Variants in CNTN5 observed in about 807,000 individuals in gnomAD.
CNTN5 encodes contactin 5.
A neutral mutation model predicts 129.1 loss-of-function variants in CNTN5; 77 were observed. That is an observed-to-expected ratio of 0.60 (90% CI 0.50 to 0.72). The LOEUF (loss-of-function observed/expected upper bound fraction) is 0.72, where lower values mean the gene tolerates loss of function less well. Ranked by LOEUF, CNTN5 falls within the 30% of genes least tolerant of loss-of-function variation. The pLI, the probability that CNTN5 is intolerant of heterozygous loss-of-function variation, is 0.00. For synonymous variants in CNTN5, 509 were observed against 465.6 expected (o/e 1.09, Z -1.20); for missense variants, 1,478 against 1,328.8 (o/e 1.11, Z -1.75).
chr11:99,953,583 AT>A (rs1950726262), intron 7 of CNTN5, among the ~76,000 whole-genome samples: 2 of 152,172 alleles, frequency 1.3e-5, no homozygotes, highest in South Asian at 4.1e-4. Flanking sequence ...AGCAAGGTAC[AT>A]TTTTTATATG....
intron 3 of CNTN5, among the ~76,000 whole-genome samples, chr11:99,595,074 G>C (rs1950084545): frequency 1.3e-5 from 2 of 152,156 alleles, no homozygotes; most frequent in African/African-American, 2.4e-5. Context: ...GGGGAGATGG[G>C]GGGACCAGAA....
chr11:99,820,438 A>T (rs961436029), intron 4 of CNTN5, among the ~76,000 whole-genome samples: 4 of 152,300 alleles, frequency 2.6e-5, no homozygotes, highest in Non-Finnish European at 5.9e-5. Context: ...AATAAGAAAA[A>T]ATCTATATAT....
intron 1 of CNTN5, among the ~76,000 whole-genome samples, chr11:99,145,055 T>A (rs1859709629): frequency 6.6e-6 from 1 of 152,060 alleles, no homozygotes; most frequent in Non-Finnish European, 1.5e-5. Flanking sequence ...TGGAGTAAAT[T>A]TCATAGGAAA....
intron 19 of CNTN5, among the ~76,000 whole-genome samples, chr11:100,297,991 A>G (rs1320297243): frequency 6.6e-6 from 1 of 151,488 alleles, no homozygotes; most frequent in African/African-American, 2.4e-5. Flanking sequence ...AATTTGTGTC[A>G]TTTTATCTAT....
At chr11:99,312,234 T>C (rs756921692) in intron 1 of CNTN5, among the ~76,000 whole-genome samples, 3 of 152,224 alleles carry the variant, frequency 2.0e-5, no homozygotes, top group African/African-American at 7.2e-5. Flanking sequence ...CCTCAAATAT[T>C]GCAGTGGAGT....
intron 2 of CNTN5, among the ~76,000 whole-genome samples, chr11:99,525,031 A>G (rs1178718371): frequency 6.6e-6 from 1 of 152,160 alleles, no homozygotes; most frequent in Non-Finnish European, 1.5e-5. Context: ...AACATGAAAG[A>G]ACTATTAGTT....
intron 21 of CNTN5, among the ~76,000 whole-genome samples, chr11:100,319,114 A>C (rs112886335): frequency 1.4e-3 from 213 of 151,714 alleles, no homozygotes; most frequent in African/African-American, 2.3e-3. Context: ...TCTTACCCCC[A>C]AAAAAACACT....
intron 1 of CNTN5, among the ~76,000 whole-genome samples, chr11:99,031,088 C>T (rs559768066): frequency 5.3e-5 from 8 of 152,132 alleles, no homozygotes; most frequent in Admixed American, 3.3e-4. Flanking sequence ...TGAGCCACCA[C>T]GCCTGGCCTA....
At chr11:100,061,481 G>A in intron 10 of CNTN5, 88 bp downstream of exon 10, 2 of 1,000,872 alleles carry the variant, frequency 2.0e-6, no homozygotes, top group South Asian at 4.1e-5. Context: ...TTGTTTGTTA[G>A]GTACATAAAA....
At chr11:100,003,839 C>A (rs554701408) in intron 9 of CNTN5, 1 of 152,156 alleles carries the variant, frequency 6.6e-6, no homozygotes, top group Non-Finnish European at 1.5e-5. Flanking sequence ...GACTGCTTCA[C>A]TCAAGAAGGT....
At chr11:99,517,034 G>C (rs1400140059) in intron 2 of CNTN5, among the ~76,000 whole-genome samples, 2 of 152,006 alleles carry the variant, frequency 1.3e-5, no homozygotes, top group African/African-American at 4.8e-5. Context: ...AACTAAATCT[G>C]TTTGAATTCC....
intron 6 of CNTN5, among the ~76,000 whole-genome samples, chr11:99,889,291 GGT>G (rs71050029): frequency 1.8e-4 from 6 of 33,224 alleles, no homozygotes; most frequent in African/African-American, 1.2e-3. Flanking sequence ...CTCCAGAGCA[GGT>G]GTGTGTGTGT....
intron 1 of CNTN5, among the ~76,000 whole-genome samples, chr11:99,054,085 T>C (rs141835740): frequency 5.1e-4 from 78 of 152,086 alleles, no homozygotes; most frequent in African/African-American, 1.6e-3. Flanking sequence ...TGGATATTAA[T>C]ATAAATACAT....
chr11:100,136,914 C>T (rs1206686406), intron 13 of CNTN5, among the ~76,000 whole-genome samples: 1 of 151,818 alleles, frequency 6.6e-6, no homozygotes, highest in Non-Finnish European at 1.5e-5. Flanking sequence ...GTAATGTGAA[C>T]TCCATTACCT....
At chr11:99,536,952 AT>A (rs1402582490) in intron 2 of CNTN5, among the ~76,000 whole-genome samples, 3 of 152,036 alleles carry the variant, frequency 2.0e-5, no homozygotes, top group African/African-American at 7.2e-5. Flanking sequence ...TTCAACATTT[AT>A]TAAACTGGGA....
At chr11:99,883,546 G>A (rs1402538610) in intron 6 of CNTN5, among the ~76,000 whole-genome samples, 1 of 152,170 alleles carries the variant, frequency 6.6e-6, no homozygotes, top group African/African-American at 2.4e-5. Flanking sequence ...TGGCTTCCTT[G>A]TTAACATGCT....
chr11:99,556,110 C>T, intron 2 of CNTN5, 35 bp from the exon 3 acceptor site: 4 of 539,658 alleles, frequency 7.4e-6, no homozygotes, highest in Non-Finnish European at 9.5e-6. Flanking sequence ...TGTTTATTTC[C>T]TCTGTTTAAG....
chr11:99,962,231 A>C (rs1424952456), intron 8 of CNTN5, among the ~76,000 whole-genome samples: 1 of 152,116 alleles, frequency 6.6e-6, no homozygotes, highest in Non-Finnish European at 1.5e-5. Flanking sequence ...ATATGTATAC[A>C]TGTGCCATGT....
intron 3 of CNTN5, among the ~76,000 whole-genome samples, chr11:99,751,577 G>A (rs1161203876): frequency 6.6e-6 from 1 of 152,126 alleles, no homozygotes; most frequent in African/African-American, 2.4e-5. Context: ...AACATTCCGT[G>A]CATAGTACAG....
Sources: allele counts gnomAD v4.1 joint callset (sites outside exome capture counted in the v4.1 genomes callset), GRCh38; gene constraint gnomAD v4.1.1; transcripts MANE v1.5; gene names NCBI Gene and HGNC (gene_info 2026-07-23, HGNC 2026-07-21).